The following GPATCH8 variants were observed in gnomAD, a reference collection of about 807,000 sequenced individuals.
GPATCH8 encodes G patch domain-containing protein 8.
GPATCH8 carries 18 observed loss-of-function variants against 118.3 expected under a neutral mutation model. The observed-to-expected ratio is 0.15, with a 90% CI of 0.11 to 0.23. GPATCH8 has a LOEUF of 0.23. Ranked by LOEUF, GPATCH8 falls within the 10% of genes least tolerant of loss-of-function variation. The pLI is 1.00. For synonymous variants in GPATCH8, 659 were observed against 684.7 expected (o/e 0.96, Z 0.59); for missense variants, 1,631 against 1,873.8 (o/e 0.87, Z 2.39).
At chr17:44,421,813 G>A (rs565175516) in intron 6 of GPATCH8, among the ~76,000 whole-genome samples, 5 of 150,676 alleles carry the variant, frequency 3.3e-5, no homozygotes, top group Admixed American at 6.6e-5. Context: ...CACAAAATCC[G>A]CCTCCCAGGT....
intron 5 of GPATCH8, among the ~76,000 whole-genome samples, chr17:44,431,596 TG>T (rs2050318189): frequency 6.6e-6 from 1 of 152,070 alleles, no homozygotes; most frequent in Non-Finnish European, 1.5e-5. Flanking sequence ...CTGCAGTTTT[TG>T]TTTTTTCTTT....
intron 3 of GPATCH8, among the ~76,000 whole-genome samples, chr17:44,445,568 C>G (rs1040057022): frequency 6.6e-6 from 1 of 151,748 alleles, no homozygotes; most frequent in African/African-American, 2.4e-5. Flanking sequence ...TGCAACAGCG[C>G]GATCTCGGCT....
At chr17:44,414,137 ATATATG>A (rs1374453306) in intron 6 of GPATCH8, among the ~76,000 whole-genome samples, 1 of 132,640 alleles carries the variant, frequency 7.5e-6, no homozygotes, top group Non-Finnish European at 1.5e-5. Context: ...GTGTATATAT[ATATATG>A]TGTATATATA....
At chr17:44,482,103 AGAGT>A (rs1228066998) in intron 1 of GPATCH8, among the ~76,000 whole-genome samples, 1 of 152,104 alleles carries the variant, frequency 6.6e-6, no homozygotes, top group East Asian at 1.9e-4. Flanking sequence ...CCTGGGCGAC[AGAGT>A]GAGACTCTTG....
At chr17:44,453,356 A>C (rs146187089) in intron 3 of GPATCH8, among the ~76,000 whole-genome samples, 146 of 152,304 alleles carry the variant, frequency 9.6e-4, no homozygotes, top group African/African-American at 3.3e-3. Context: ...TTTCTTCCAC[A>C]AAATGGGACA....
chr17:44,484,215 C>G (rs1053283247), intron 1 of GPATCH8, among the ~76,000 whole-genome samples: 2 of 151,358 alleles, frequency 1.3e-5, no homozygotes, highest in Non-Finnish European at 2.9e-5. Context: ...AACTCCTGGC[C>G]TCAAGCAATT....
rs139981883 is a variant in GPATCH8, at chr17:44,400,157, G to C, written c.1920C>G (p.Ser640Arg). 6.2e-7 allele frequency: 1 copy of C among 1,613,902 alleles called. No individual in the cohort carries two copies. The highest frequency in any genetic ancestry group is 2.2e-5 in the East Asian group (1 of 44,840). Residue 640 changes from serine to arginine, a missense_variant, in exon 8 of 8, where the codon AGC becomes AGG. Ser to Arg is a moderately radical substitution (Grantham distance 110). This residue lies in a region of GPATCH8 where 922 missense variants were observed against 879.7 expected (regional missense o/e 1.05). Transcript: ENST00000591680. Reference sequence around the variant, plus strand: ...CCCCAGGCTCCTGCTTGTTCAGGCCGCTACAGGCAGACCCTGAAGCAGGTG... The same window carrying C: ...CCCCAGGCTCCTGCTTGTTCAGGCCCCTACAGGCAGACCCTGAAGCAGGTG... ...MDAPASGSACSGLNKQEPGGS... is the reference protein window; with the variant it reads ...MDAPASGSACRGLNKQEPGGS...
At chr17:44,433,652 G>T (rs1323948606) in intron 5 of GPATCH8, among the ~76,000 whole-genome samples, 1 of 152,130 alleles carries the variant, frequency 6.6e-6, no homozygotes, top group African/African-American at 2.4e-5. Context: ...GACCACTCTT[G>T]TGCCTAGAGA....
chr17:44,435,017 T>G, intron 5 of GPATCH8, 48 bp downstream of exon 5: 1 of 842,768 alleles, frequency 1.2e-6, no homozygotes, highest in African/African-American at 1.7e-5. Flanking sequence ...TTCTTTCTTA[T>G]TCAGTGAGCA....
At chr17:44,416,648 G>C (rs2049697491) in intron 6 of GPATCH8, among the ~76,000 whole-genome samples, 1 of 152,192 alleles carries the variant, frequency 6.6e-6, no homozygotes, top group Non-Finnish European at 1.5e-5. Flanking sequence ...AATCCCTGAA[G>C]AGAACTGTGC....
intron 1 of GPATCH8, among the ~76,000 whole-genome samples, chr17:44,483,646 T>C (rs562749607): frequency 4.1e-5 from 6 of 146,216 alleles, no homozygotes; most frequent in Admixed American, 4.0e-4. Flanking sequence ...ATTTACTTTA[T>C]TTTTTATTTT....
Position 44,400,132 on chromosome 17 carries a change from C to T in GPATCH8, c.1945G>A (p.Gly649Ser). 6.2e-7 allele frequency: 1 copy of T among 1,613,946 alleles called. No individual in the cohort carries two copies. Among genetic ancestry groups the T allele is most frequent in the Non-Finnish European group, 8.5e-7 (1 of 1,180,004 alleles). Reference sequence around the variant, plus strand: ...TCTTCTGTCTCAGACCCATGGCTACCCCCAGGCTCCTGCTTGTTCAGGCCG... The same window carrying T: ...TCTTCTGTCTCAGACCCATGGCTACTCCCAGGCTCCTGCTTGTTCAGGCCG... Reference protein sequence around the residue: ...CSGLNKQEPGGSHGSETEDTG... With the variant: ...CSGLNKQEPGSSHGSETEDTG... Residue 649 changes from glycine (G) to serine (S), a missense_variant, in exon 8 of 8, where the codon GGT becomes AGT. Transcript: ENST00000591680.
chr17:44,399,711 T>C lies in GPATCH8; in HGVS notation c.2366A>G (p.Glu789Gly). Residue 789 changes from glutamate to glycine, a missense_variant, in exon 8 of 8, where the codon GAA (glutamate) becomes GGA (glycine). Around this residue, in one of 8 missense-constraint regions of GPATCH8, gnomAD observed 922 missense variants for 879.7 expected, o/e 1.05. Coordinates refer to ENST00000591680, the MANE Select transcript of GPATCH8 (RefSeq NM_001002909.4). ...TCGCTGGCAGGATGAAGGTGGAAGTTCACCTTTGTGTTTCCTCCCACCATG... is the reference window on the plus strand; with the variant it reads ...TCGCTGGCAGGATGAAGGTGGAAGTCCACCTTTGTGTTTCCTCCCACCATG... ...QDHGGRKHKG[E>G]LPPSSCQRRA... The C allele has an allele frequency of 6.2e-7, 1 of 1,614,078 alleles. No homozygotes were observed. Among genetic ancestry groups the C allele is most frequent in the Non-Finnish European group, 8.5e-7 (1 of 1,179,982 alleles).
intron 1 of GPATCH8, among the ~76,000 whole-genome samples, chr17:44,496,149 C>T (rs1414503066): frequency 2.6e-5 from 4 of 152,202 alleles, no homozygotes; most frequent in Admixed American, 2.0e-4. Context: ...GGATTATAGG[C>T]GTGAGCCACC....
chr17:44,465,711 C>T (rs1011412714), intron 2 of GPATCH8: 1 of 152,136 alleles, frequency 6.6e-6, no homozygotes, highest in Non-Finnish European at 1.5e-5. Context: ...ATTTGAAAAT[C>T]CCATATTTCC....
chr17:44,443,029 C>T (rs1158830321), intron 3 of GPATCH8, among the ~76,000 whole-genome samples: 3 of 152,116 alleles, frequency 2.0e-5, no homozygotes, highest in Non-Finnish European at 4.4e-5. Flanking sequence ...AGTGAGCTAT[C>T]ATCGCACCAC....
intron 3 of GPATCH8, among the ~76,000 whole-genome samples, chr17:44,463,633 GC>G (rs1460363091): frequency 1.3e-5 from 2 of 152,150 alleles, no homozygotes; most frequent in Non-Finnish European, 2.9e-5. Flanking sequence ...ACCTGCCTCG[GC>G]CTCCCAAAGT....
intron 1 of GPATCH8, among the ~76,000 whole-genome samples, chr17:44,495,267 G>C (rs1969575742): frequency 1.3e-5 from 2 of 152,180 alleles, no homozygotes; most frequent in Admixed American, 1.3e-4. Context: ...CCAGGAGGTG[G>C]AGGTTGCAGT....
intron 3 of GPATCH8, among the ~76,000 whole-genome samples, chr17:44,459,688 C>T (rs931498186): frequency 4.6e-5 from 7 of 151,718 alleles, no homozygotes; most frequent in Non-Finnish European, 1.0e-4. Flanking sequence ...AAGTAGAAAA[C>T]ATCATCCTTG....
Sources: allele counts gnomAD v4.1 joint callset (sites outside exome capture counted in the v4.1 genomes callset), GRCh38; gene constraint gnomAD v4.1.1; regional missense constraint gnomAD v4.1.1; transcripts MANE v1.5; gene names NCBI Gene and HGNC (gene_info 2026-07-23, HGNC 2026-07-21).